Variants in KAZN observed in about 807,000 individuals in gnomAD.
KAZN encodes the protein kazrin.
A neutral mutation model predicts 87.4 loss-of-function variants in KAZN; 40 were observed. That is an observed-to-expected ratio of 0.46 (90% CI 0.36 to 0.60). The LOEUF is 0.60. Among genes scored for constraint, KAZN ranks in the 20% least tolerant of loss-of-function variants. The probability of loss-of-function intolerance (pLI) is 0.00; values close to 1 mark genes in which losing one functional copy is unlikely to be tolerated. For missense variants in KAZN, 898 were observed against 1,073.9 expected (o/e 0.84, Z 2.29); for synonymous variants, 466 against 458.3 (o/e 1.02, Z -0.22).
intron 1 of KAZN, among the ~76,000 whole-genome samples, chr1:14,692,843 G>T (rs566457316): frequency 1.3e-5 from 2 of 152,348 alleles, no homozygotes; most frequent in Non-Finnish European, 2.9e-5. Flanking sequence ...TGAGGCATGA[G>T]AATCGCTTGA....
chr1:14,176,922 G>T (rs1322764038), intron 1 of KAZN, among the ~76,000 whole-genome samples: 2 of 152,276 alleles, frequency 1.3e-5, no homozygotes, highest in East Asian at 3.9e-4. Flanking sequence ...CACTTTGGGA[G>T]GCCAAGGCGG....
chr1:13,912,342 A>G (rs534376338), intron 1 of KAZN, among the ~76,000 whole-genome samples: 27 of 152,240 alleles, frequency 1.8e-4, no homozygotes, highest in African/African-American at 3.6e-4. Flanking sequence ...GATTTGTCCA[A>G]TCTACTTGTG....
intron 1 of KAZN, among the ~76,000 whole-genome samples, chr1:14,871,726 T>G (rs757925238): frequency 6.6e-6 from 1 of 151,582 alleles, no homozygotes; most frequent in Non-Finnish European, 1.5e-5. Flanking sequence ...GTTAATTCTT[T>G]GACTGCATTC....
rs1338405233 is a variant in KAZN, at chr1:14,904,852, C to T, written c.227-55832C>T. ...TCTCCACTCACTGCAAGCTCCGCCA[C>T]TCGGGTTCACACCATTCTCCTGCCT... On this transcript the variant is annotated intron_variant, in intron 1 of 14. Coordinates refer to ENST00000376030, the MANE Select transcript of KAZN (RefSeq NM_201628.3). Among the ~76,000 whole-genome samples, 5 of 152,264 alleles carry T rather than the reference C, an allele frequency of 3.3e-5. No individual in the cohort carries two copies. The South Asian group carries it at 1.0e-3, about 32-fold the overall frequency.
chr1:15,089,732 CAAAAAAAA>C lies in KAZN; in HGVS notation c.1223-4425_1223-4418del, dbSNP rs56260619. Among the ~76,000 whole-genome samples, 279 of 68,916 alleles carry C rather than the reference CAAAAAAAA, an allele frequency of 4.0e-3. 4 individuals carry two copies. Among genetic ancestry groups the C allele is most frequent in the South Asian group, 0.022 (47 of 2,162 alleles). The allele number at this position is 68,916 out of a possible 152,430, so 45.2% of individuals were successfully genotyped here. ...GACAGCAAAGGGAAGCTTTTATTGG[CAAAAAAAA>C]AAAAAAAAAAAAAAAAAAAAAAGAG... On this transcript the variant is annotated intron_variant, in intron 8 of 14. Transcript: ENST00000376030.
At chr1:14,968,267 C>G (rs967564847) in intron 2 of KAZN, among the ~76,000 whole-genome samples, 2 of 152,048 alleles carry the variant, frequency 1.3e-5, no homozygotes, top group African/African-American at 4.8e-5. Context: ...CAAGAGGGTT[C>G]GTGCTCCTAT....
rs528064194 is a variant in KAZN at position 14,982,163 on chromosome 1, G to A, written c.418+21288G>A. On this transcript the variant is annotated intron_variant, in intron 2 of 14. Transcript: ENST00000376030. ...GGTCACTGAGGCTCAGGGCTGGAAG[G>A]AACTTGCAGCAGACACACGGCTGGC... 6.6e-5 allele frequency among the ~76,000 whole-genome samples: 10 copies of A among 152,252 alleles called. No individual in the cohort carries two copies. In the South Asian group the frequency reaches 1.4e-3, roughly 22 times the overall value.
At chr1:14,701,447 A>C (rs750892734) in intron 1 of KAZN, among the ~76,000 whole-genome samples, 1 of 152,186 alleles carries the variant, frequency 6.6e-6, no homozygotes, top group African/African-American at 2.4e-5. Context: ...AATTTTTAAA[A>C]ACAAGAGCAG....
At chr1:14,354,643 T>TAGAC (rs917828547) in intron 2 of KAZN, among the ~76,000 whole-genome samples, 1 of 71,212 alleles carries the variant, frequency 1.4e-5, no homozygotes, top group Non-Finnish European at 3.0e-5. Flanking sequence ...ATAGCTAAAT[T>TAGAC]AGACACACAC....
At chr1:14,792,974 C>CAA (rs1338876410) in intron 1 of KAZN, among the ~76,000 whole-genome samples, 20,460 of 108,612 alleles carry the variant, frequency 0.19, 2,011 homozygotes, top group Middle Eastern at 0.26. Context: ...GACTCTGTCT[C>CAA]AAAAAAAAAA....
chr1:14,810,169 C>A (rs1646363733), intron 1 of KAZN, among the ~76,000 whole-genome samples: 1 of 152,062 alleles, frequency 6.6e-6, no homozygotes, highest in Admixed American at 6.5e-5. Context: ...TATTAATCAG[C>A]CCCAGTTGAG....
At chr1:14,389,981 C>A (rs558868807) in intron 2 of KAZN, among the ~76,000 whole-genome samples, 1 of 152,038 alleles carries the variant, frequency 6.6e-6, no homozygotes, top group Non-Finnish European at 1.5e-5. Flanking sequence ...CATAAATATA[C>A]ACACCTACTA....
At chr1:13,913,861 G>C (rs1007322706) in intron 1 of KAZN, among the ~76,000 whole-genome samples, 1 of 152,206 alleles carries the variant, frequency 6.6e-6, no homozygotes, top group South Asian at 2.1e-4. Flanking sequence ...GATCACCAGA[G>C]TTCCTGCTTC....
intron 1 of KAZN, among the ~76,000 whole-genome samples, chr1:14,177,474 T>C (rs115039936): frequency 0.012 from 1,808 of 152,334 alleles, 18 homozygotes; most frequent in Non-Finnish European, 0.017. Flanking sequence ...CTCTCAGCTT[T>C]TGTTTATCTA....
intron 4 of KAZN, among the ~76,000 whole-genome samples, chr1:15,045,782 C>T (rs1047881049): frequency 1.3e-5 from 2 of 152,128 alleles, no homozygotes; most frequent in African/African-American, 2.4e-5. Context: ...AGAATGAATG[C>T]AGAGGAACTA....
chr1:14,343,262 A>G (rs556497056), intron 2 of KAZN, among the ~76,000 whole-genome samples: 215 of 152,324 alleles, frequency 1.4e-3, no homozygotes, highest in African/African-American at 4.9e-3. Context: ...GAGAGCATTG[A>G]TAGTTGAGGG....
intron 2 of KAZN, among the ~76,000 whole-genome samples, chr1:14,201,690 T>G (rs1194901143): frequency 6.6e-6 from 1 of 152,174 alleles, no homozygotes; most frequent in African/African-American, 2.4e-5. Flanking sequence ...TTTCTTGAGG[T>G]GAAGTTTCGC....
chr1:14,646,964 A>T (rs1680854636), intron 1 of KAZN, among the ~76,000 whole-genome samples: 1 of 152,146 alleles, frequency 6.6e-6, no homozygotes, highest in African/African-American at 2.4e-5. Context: ...CAGCACGTGG[A>T]TGGGGGAAGC....
chr1:14,804,281 C>G (rs1646133919), intron 1 of KAZN, among the ~76,000 whole-genome samples: 1 of 152,186 alleles, frequency 6.6e-6, no homozygotes, highest in South Asian at 2.1e-4. Flanking sequence ...GCAGAGCTCC[C>G]CAGTCCAAAG....
Sources: gnomAD v4.1 joint callset for allele counts (sites outside exome capture counted in the v4.1 genomes callset) on GRCh38, gnomAD v4.1.1 for gene constraint, MANE v1.5 for transcripts, NCBI Gene and HGNC (gene_info 2026-07-23, HGNC 2026-07-21) for gene names.